SPNS3: variants seen among roughly 807,000 people sequenced by gnomAD.
SPNS3 encodes the protein protein spinster homolog 3.
In SPNS3, 51 loss-of-function variants were observed where a neutral mutation model predicts 54.4. The observed-to-expected ratio is 0.94, with a 90% CI of 0.75 to 1.18. SPNS3 has a LOEUF of 1.18. Ranked by LOEUF, SPNS3 falls within the 50% of genes most tolerant of loss-of-function variation. The probability of loss-of-function intolerance (pLI) is 0.00; values close to 1 mark genes in which losing one functional copy is unlikely to be tolerated. For synonymous variants in SPNS3, 309 were observed against 294.7 expected, an observed-to-expected ratio of 1.05 and a Z score of -0.50; for missense variants, 669 against 677.4, an observed-to-expected ratio of 0.99 and a Z score of 0.14.
At chr17:4,460,995 G>C (rs2144111909) in intron 8 of SPNS3, among the ~76,000 whole-genome samples, 1 of 152,246 alleles carries the variant, frequency 6.6e-6, no homozygotes, top group South Asian at 2.1e-4. Flanking sequence ...TCTGTTTGTG[G>C]AAAGTTTTTT....
At chr17:4,441,650 G>A (rs57839296) in intron 2 of SPNS3, among the ~76,000 whole-genome samples, 16,170 of 152,004 alleles carry the variant, frequency 0.11, 1,016 homozygotes, top group African/African-American at 0.18. Flanking sequence ...AGGCTGGAGT[G>A]CAATGGCATG....
chr17:4,478,424 T>C, intron 8 of SPNS3, 148 bp from the exon 9 acceptor site: 1 of 686,610 alleles, frequency 1.5e-6, no homozygotes, highest in Non-Finnish European at 2.5e-6. Flanking sequence ...GGAAAAATAG[T>C]TCTAGGCCTT....
At position 4,486,759 on chromosome 17, in the gene SPNS3, A is replaced by C. The variant is rs1481000096; in HGVS notation, c.1450+176A>C. 6.6e-6 allele frequency among the ~76,000 whole-genome samples: 1 copy of C among 151,908 alleles called. No individual in the cohort carries two copies. Among genetic ancestry groups the C allele is most frequent in the Non-Finnish European group, 1.5e-5 (1 of 68,036 alleles). ...TGCTGGGGAGTGAAAGAATGAGGCC[A>C]AGTCCAGGCCCCTGTAGAAACTGAC... is the stretch of plus-strand genomic sequence containing the variant. On this transcript the variant is annotated intron_variant, in intron 11 of 11. Coordinates refer to ENST00000355530, the MANE Select transcript of SPNS3 (RefSeq NM_182538.5). The surrounding 1 kb of genome is among the most constrained non-coding windows in gnomAD (Gnocchi z 5.5).
chr17:4,449,411 G>T, intron 7 of SPNS3, 24 bp downstream of exon 7: 1 of 1,558,252 alleles, frequency 6.4e-7, no homozygotes, highest in Non-Finnish European at 8.6e-7. Context: ...GGGGCCCTGG[G>T]CACCTGGCCC....
At chr17:4,469,639 A>AG (rs1971803133) in intron 8 of SPNS3, among the ~76,000 whole-genome samples, 1 of 151,378 alleles carries the variant, frequency 6.6e-6, no homozygotes, top group Admixed American at 6.6e-5. Flanking sequence ...AAAAAAAAAA[A>AG]AGCAATTGGA....
chr17:4,475,050 T>C (rs1971953274), intron 8 of SPNS3, among the ~76,000 whole-genome samples: 1 of 152,174 alleles, frequency 6.6e-6, no homozygotes, highest in South Asian at 2.1e-4. Context: ...CGGCCGCATG[T>C]GTGACAGTGT....
In SPNS3 at chr17:4,433,992, T is replaced by A; in HGVS notation, c.25T>A (p.Cys9Ser). The A allele has an allele frequency of 1.3e-6, 2 of 1,562,952 alleles. No individual in the cohort carries two copies. Among genetic ancestry groups the A allele is most frequent in the East Asian group, 2.4e-5 (1 of 42,236 alleles). ...CATGGCTGGGGGGATGTCAGCGGAG[T>A]GCCCTGAGCCTGGGCCAGGAGGTCT... is the stretch of plus-strand genomic sequence containing the variant. MAGGMSAECPEPGPGGLQG... is the reference protein window; with the variant it reads MAGGMSAESPEPGPGGLQG... Residue 9 changes from cysteine (C) to serine (S), a missense_variant, in exon 1 of 12, where the codon TGC becomes AGC. Physicochemically the swap from Cys to Ser is moderately radical, Grantham distance 112. Coordinates refer to ENST00000355530, the MANE Select transcript of SPNS3 (RefSeq NM_182538.5).
chr17:4,446,394 C>T (rs1169262311), intron 4 of SPNS3, among the ~76,000 whole-genome samples, 195 bp downstream of exon 4: 1 of 152,154 alleles, frequency 6.6e-6, no homozygotes, highest in Non-Finnish European at 1.5e-5. Context: ...GGCAGTGACA[C>T]CAGCTGATGG....
chr17:4,461,040 A>G (rs1167629028), intron 8 of SPNS3, among the ~76,000 whole-genome samples: 2 of 152,182 alleles, frequency 1.3e-5, no homozygotes, highest in Admixed American at 6.6e-5. Flanking sequence ...TTATAGGTCA[A>G]TTCAAATTTT....
At chr17:4,485,399 T>A (rs969599359) in intron 9 of SPNS3, among the ~76,000 whole-genome samples, 28 of 151,660 alleles carry the variant, frequency 1.8e-4, no homozygotes, top group Non-Finnish European at 3.7e-4. Flanking sequence ...TTATTTTTTT[T>A]ATTTTTTTTT....
intron 2 of SPNS3, among the ~76,000 whole-genome samples, chr17:4,444,190 C>A (rs1234684953): frequency 6.6e-6 from 1 of 151,892 alleles, no homozygotes; most frequent in African/African-American, 2.4e-5. Flanking sequence ...TTCCTGGAAT[C>A]ATCACTAGTT....
intron 1 of SPNS3, 30 bp downstream of exon 1, chr17:4,434,196 A>G (rs1597294361): frequency 6.3e-7 from 1 of 1,580,038 alleles, no homozygotes; most frequent in African/African-American, 1.4e-5. Flanking sequence ...CCTGGGCAGT[A>G]CCTGCTGCTG....
chr17:4,448,222 G>C lies in SPNS3; in HGVS notation c.689G>C (p.Gly230Ala), dbSNP rs1267049600. 2 of 1,604,062 alleles carry C rather than the reference G, an allele frequency of 1.2e-6. No individual in the cohort carries two copies. The highest frequency in any genetic ancestry group is 1.7e-6 in the Non-Finnish European group (2 of 1,175,574). Residue 230 changes from glycine (G) to alanine (A), a missense_variant, in exon 6 of 12, where the codon GGA becomes GCA. Gly to Ala is a moderately conservative substitution (Grantham distance 60, BLOSUM62 0). Transcript: ENST00000355530. ...LILLVPDPPR[G>A]AAETQGEGAV... The stretch of plus-strand genomic sequence containing the variant: ...CTGCTGGTTCCAGACCCACCCCGGG[G>C]AGCTGCCGAGACACAGGGGGAGGGG...
intron 8 of SPNS3, among the ~76,000 whole-genome samples, chr17:4,468,363 T>G (rs933410909): frequency 6.6e-6 from 1 of 152,060 alleles, no homozygotes; most frequent in Admixed American, 6.6e-5. Context: ...TTTGTAGTAA[T>G]ATAGGCAGGA....
At chr17:4,461,104 T>G (rs1325714106) in intron 8 of SPNS3, among the ~76,000 whole-genome samples, 1 of 152,120 alleles carries the variant, frequency 6.6e-6, no homozygotes, top group African/African-American at 2.4e-5. Flanking sequence ...AATTTGTACA[T>G]TTATTCTAGG....
rs532692973 is a variant in SPNS3 at position 4,446,928 on chromosome 17, C to T, written c.587C>T (p.Thr196Met). The T allele has an allele frequency of 2.0e-5, 32 of 1,613,996 alleles. No individual in the cohort carries two copies. Among genetic ancestry groups the T allele is most frequent in the South Asian group, 6.6e-5 (6 of 91,086 alleles). The part of the protein sequence containing the change: ...GLGYVLGSAV[T>M]MLTGNWRWAL... ...GGCTACGTGCTGGGGTCGGCTGTGA[C>T]GATGCTGACTGGGAACTGGCGCTGG... Residue 196 changes from threonine to methionine, a missense_variant, in exon 5 of 12, where the codon ACG becomes ATG. Coordinates refer to ENST00000355530, the MANE Select transcript of SPNS3 (RefSeq NM_182538.5).
intron 2 of SPNS3, among the ~76,000 whole-genome samples, chr17:4,440,135 C>G (rs868461012): frequency 5.9e-5 from 9 of 152,268 alleles, no homozygotes; most frequent in Middle Eastern, 3.4e-3. Context: ...AACAGACAGA[C>G]ACAGACAGGC....
At position 4,477,970 on chromosome 17, in the gene SPNS3, C is replaced by CTTTTTTT. The variant is rs397837193; in HGVS notation, c.1114-589_1114-583dup. 4.6e-3 allele frequency among the ~76,000 whole-genome samples: 450 copies of CTTTTTTT among 97,562 alleles called. 31 individuals carry two copies. The highest frequency in any genetic ancestry group is 0.016 in the African/African-American group (355 of 21,884). 64.0% of individuals were successfully genotyped at this position (97,562 alleles called of 152,430 possible). A position where few individuals can be genotyped will look rare whatever the true frequency, so the allele number is the denominator to read the frequency against. ...AAAGTCTGTTTTTTTTTCACTTTTCCTTTTTTTTTTTTTTTTTTTGAGGCG... is the reference window on the plus strand; with the variant it reads ...AAAGTCTGTTTTTTTTTCACTTTTCCTTTTTTTTTTTTTTTTTTTTTTTTTTGAGGCG... On this transcript the variant is annotated intron_variant, in intron 8 of 11. Transcript: ENST00000355530.
Position 4,486,052 on chromosome 17 carries a change from GCTTGATGT to G in SPNS3, c.1180-167_1180-160del. ...GGGGCACTGGGGAAGCTTCAGATGG[GCTTGATGT>G]CTTGATGTTCTGGGGTGGGACTTTA... On this transcript the variant is annotated intron_variant, in intron 9 of 11. Transcript: ENST00000355530. This position sits in a 1 kb window ranked among gnomAD's most constrained non-coding sequence, Gnocchi z 5.5. 1 of 534,780 alleles carries G rather than the reference GCTTGATGT, an allele frequency of 1.9e-6. No homozygotes were observed. Among genetic ancestry groups the G allele is most frequent in the Non-Finnish European group, 3.2e-6 (1 of 314,350 alleles). 33.1% of individuals were successfully genotyped at this position (534,780 alleles called of 1,614,324 possible).
Sources: allele counts gnomAD v4.1 joint callset (sites outside exome capture counted in the v4.1 genomes callset), GRCh38; gene constraint gnomAD v4.1.1; non-coding constraint Gnocchi (gnomAD v3.1); transcripts MANE v1.5; gene names NCBI Gene and HGNC (gene_info 2026-07-23, HGNC 2026-07-21).